PIK3R1: variants seen among roughly 807,000 people sequenced by gnomAD.
PIK3R1 encodes phosphoinositide-3-kinase regulatory subunit 1.
In PIK3R1, 29 loss-of-function variants were observed where a neutral mutation model predicts 98.0. That is an observed-to-expected ratio of 0.30 (90% CI 0.22 to 0.40). The LOEUF (loss-of-function observed/expected upper bound fraction) is 0.40, where lower values mean the gene tolerates loss of function less well. Among genes scored for constraint, PIK3R1 ranks in the 10% least tolerant of loss-of-function variants. The probability of loss-of-function intolerance (pLI) is 1.00; values close to 1 mark genes in which losing one functional copy is unlikely to be tolerated. For synonymous variants in PIK3R1, 282 were observed against 311.8 expected (o/e 0.90, Z 1.01); for missense variants, 596 against 872.7 (o/e 0.68, Z 3.99).
chr5:68,226,399 G>A lies in PIK3R1; in HGVS notation c.-277G>A. 6.2e-6 allele frequency: 3 copies of A among 480,334 alleles called. No individual in the cohort carries two copies. The highest frequency in any genetic ancestry group is 5.1e-5 in the South Asian group (1 of 19,460). 29.8% of individuals were successfully genotyped at this position (480,334 alleles called of 1,614,324 possible). On this transcript the variant is annotated 5_prime_UTR_variant, in exon 2 of 16. It adds an upstream start codon to the 5' untranslated region. Coordinates refer to ENST00000521381, the MANE Select transcript of PIK3R1 (RefSeq NM_181523.3). ...CTGTGAGAGTCAGCCTGGATTCAAA[G>A]TGTTGACAAGTTGCTGAAAAGGAAG...
intron 11 of PIK3R1, 33 bp downstream of exon 11, chr5:68,293,867 A>G (rs1561298326): frequency 6.6e-7 from 1 of 1,505,566 alleles, no homozygotes; most frequent in East Asian, 2.3e-5. Flanking sequence ...ATTAAAAAAT[A>G]AGAGTTCTAA....
intron 2 of PIK3R1, among the ~76,000 whole-genome samples, chr5:68,264,304 C>G (rs558138981): frequency 7.2e-5 from 11 of 152,316 alleles, no homozygotes; most frequent in Non-Finnish European, 1.3e-4. Context: ...AAGTGCTTGT[C>G]CATCAGTGTC....
At chr5:68,256,668 CAGT>C (rs1207861747) in intron 2 of PIK3R1, among the ~76,000 whole-genome samples, 2 of 151,922 alleles carry the variant, frequency 1.3e-5, no homozygotes, top group Non-Finnish European at 2.9e-5. Flanking sequence ...CATCTAGTCT[CAGT>C]TGTGCAAAAT....
At chr5:68,288,275 C>A in intron 7 of PIK3R1, 1 of 336,002 alleles carries the variant, frequency 3.0e-6, no homozygotes, top group Non-Finnish European at 4.5e-6. Context: ...CACTTGTCAG[C>A]CGATGACAAC....
At chr5:68,217,653 T>TGTGTGTGCGC (rs1386976488) in intron 1 of PIK3R1, 5 of 149,294 alleles carry the variant, frequency 3.3e-5, no homozygotes, top group African/African-American at 1.0e-4. Flanking sequence ...TGTGTGTGTG[T>TGTGTGTGCGC]GCGCGCGCGT....
At position 68,300,859 on chromosome 5, in the gene PIK3R1, TA is replaced by T. The variant is rs1286295191; in HGVS notation, c.*3262del. The T allele has an allele frequency of 8.6e-6, 2 of 233,202 alleles. No homozygotes were observed. Among genetic ancestry groups the T allele is most frequent in the Non-Finnish European group, 1.7e-5 (2 of 118,046 alleles). 14.4% of individuals were successfully genotyped at this position (233,202 alleles called of 1,614,324 possible). A position where few individuals can be genotyped will look rare whatever the true frequency, so the allele number is the denominator to read the frequency against. ...TATTTCTTTGGCTTTTTTGTGTTTTTAAAAGTTACTCCTTTTAGGGAGCTGG... is the reference window on the plus strand; with the variant it reads ...TATTTCTTTGGCTTTTTTGTGTTTTTAAAGTTACTCCTTTTAGGGAGCTGG... On this transcript the variant is annotated 3_prime_UTR_variant, in exon 16 of 16. Transcript: ENST00000521381.
At chr5:68,246,311 A>AT (rs1481387405) in intron 2 of PIK3R1, among the ~76,000 whole-genome samples, 117 of 120,400 alleles carry the variant, frequency 9.7e-4, no homozygotes, top group African/African-American at 3.9e-3. Context: ...CTTGGTGTGT[A>AT]TATTTTTTTT....
Position 68,281,009 on chromosome 5 carries a change from A to G in PIK3R1, c.916+3A>G, listed in dbSNP as rs1276212806. On this transcript the variant is annotated splice_donor_region_variant and intron_variant, in intron 7 of 15. Coordinates refer to ENST00000521381, the MANE Select transcript of PIK3R1 (RefSeq NM_181523.3). ...GAATGAACGACAGCCTGCACCAGGT[A>G]ATGCTTTTTGAGCATTTAACATTCT... 4 of 1,587,314 alleles carry G rather than the reference A, an allele frequency of 2.5e-6. No homozygotes were observed. In the Admixed American group the frequency reaches 7.3e-5, roughly 29 times the overall value.
At chr5:68,289,786 A>AAAAAAAT (rs1747285606) in intron 7 of PIK3R1, among the ~76,000 whole-genome samples, 6 of 137,902 alleles carry the variant, frequency 4.4e-5, no homozygotes, top group Non-Finnish European at 6.1e-5. Context: ...AAAAAAAAAA[A>AAAAAAAT]GTGATTACAT....
Position 68,226,818 on chromosome 5 carries a change from C to G in PIK3R1, c.143C>G (p.Ala48Gly), listed in dbSNP as rs1361328385. The stretch of plus-strand genomic sequence containing the variant: ...CTTGGATTCAGTGATGGACAGGAAG[C>G]CAGGCCTGAAGAAATTGGCTGGTTA... The part of the protein sequence containing the change: ...VALGFSDGQE[A>G]RPEEIGWLNG... The change falls in exon 2 of 16, where the codon GCC (alanine) becomes GGC (glycine). Residue 48 changes from alanine to glycine, a missense_variant. Physicochemically the swap from Ala to Gly is moderately conservative, Grantham distance 60. This residue lies in a region of PIK3R1 where 352 missense variants were observed against 393.3 expected (regional missense o/e 0.90). Coordinates refer to ENST00000521381, the MANE Select transcript of PIK3R1 (RefSeq NM_181523.3). 6.2e-7 allele frequency: 1 copy of G among 1,613,892 alleles called. No homozygotes were observed. Among genetic ancestry groups the G allele is most frequent in the Non-Finnish European group, 8.5e-7 (1 of 1,179,994 alleles).
At chr5:68,249,754 G>A (rs1205074592) in intron 2 of PIK3R1, among the ~76,000 whole-genome samples, 2 of 152,092 alleles carry the variant, frequency 1.3e-5, no homozygotes, top group African/African-American at 4.8e-5. Flanking sequence ...CTTTGAAAGG[G>A]GCCTGCTTGT....
rs751595991 is a variant in PIK3R1, at chr5:68,297,419, G to A, written c.1993G>A (p.Gly665Ser). Reference sequence around the variant, plus strand: ...TTCTTCTCTCCTCTCTAGGGTGGACGGCGAAGTAAAGCATTGTGTCATAAA... The same window carrying A: ...TTCTTCTCTCCTCTCTAGGGTGGACAGCGAAGTAAAGCATTGTGTCATAAA... Reference protein sequence around the residue: ...GCYACSVVVDGEVKHCVINKT... With the variant: ...GCYACSVVVDSEVKHCVINKT... The change falls in exon 16 of 16, where the codon GGC (glycine) becomes AGC (serine). Residue 665 changes from glycine (G) to serine (S), a missense_variant. Gly to Ser is a moderately conservative substitution (Grantham distance 56, BLOSUM62 0). This residue lies in a region of PIK3R1 where 207 missense variants were observed against 361.4 expected (regional missense o/e 0.57). Transcript: ENST00000521381. The A allele has an allele frequency of 5.0e-6, 8 of 1,612,880 alleles. No individual in the cohort carries two copies. In the East Asian group the frequency reaches 6.7e-5, roughly 13 times the overall value.
intron 1 of PIK3R1, among the ~76,000 whole-genome samples, chr5:68,221,620 C>T (rs1441330085): frequency 6.6e-6 from 1 of 152,200 alleles, no homozygotes; most frequent in African/African-American, 2.4e-5. Flanking sequence ...TCTCCAAATT[C>T]TTGTCATTTC....
chr5:68,256,808 C>T (rs1424359045), intron 2 of PIK3R1, among the ~76,000 whole-genome samples: 1 of 151,998 alleles, frequency 6.6e-6, no homozygotes, highest in Non-Finnish European at 1.5e-5. Flanking sequence ...GTGCTCAAGA[C>T]AAGCCTCCTA....
intron 2 of PIK3R1, among the ~76,000 whole-genome samples, chr5:68,255,670 A>T (rs1400929611): frequency 6.6e-6 from 1 of 152,202 alleles, no homozygotes. Flanking sequence ...CTTGGAAGGA[A>T]ATCAGATGGC....
intron 2 of PIK3R1, among the ~76,000 whole-genome samples, chr5:68,228,828 G>A (rs1296731110): frequency 6.6e-6 from 1 of 152,142 alleles, no homozygotes; most frequent in African/African-American, 2.4e-5. Flanking sequence ...TTTGATAATT[G>A]CTATCAGGTG....
chr5:68,270,706 T>C (rs1367944940), intron 2 of PIK3R1, among the ~76,000 whole-genome samples: 2 of 152,192 alleles, frequency 1.3e-5, no homozygotes, highest in Non-Finnish European at 2.9e-5. Context: ...CAATAATGGA[T>C]CTTAATAAAT....
chr5:68,262,770 T>C (rs1414270149), intron 2 of PIK3R1, among the ~76,000 whole-genome samples: 5 of 116,882 alleles, frequency 4.3e-5, no homozygotes, highest in African/African-American at 1.3e-4. Context: ...CATATATACA[T>C]GTAGATGCAT....
chr5:68,293,369 A>G lies in PIK3R1; in HGVS notation c.1185A>G (p.Pro395=), dbSNP rs149905863. ...HRDGKYGFSD[P]LTFSSVVELI... is the part of the protein sequence containing the mutation. Reference sequence around the variant, plus strand: ...ATGGGAAATATGGCTTCTCTGACCCATTAACCTTCAGTTCTGTGGTTGAAT... The same window carrying G: ...ATGGGAAATATGGCTTCTCTGACCCGTTAACCTTCAGTTCTGTGGTTGAAT... The change falls in exon 10 of 16, where the codon CCA becomes CCG. Residue 395 remains proline, a synonymous_variant. Transcript: ENST00000521381. The G allele has an allele frequency of 6.3e-4, 1,009 of 1,613,396 alleles. No individual in the cohort carries two copies. Among genetic ancestry groups the G allele is most frequent in the Non-Finnish European group, 7.7e-4 (903 of 1,179,548 alleles).
Sources: gnomAD v4.1 joint callset for allele counts (sites outside exome capture counted in the v4.1 genomes callset) on GRCh38, gnomAD v4.1.1 for gene constraint, gnomAD v4.1.1 regional missense constraint, MANE v1.5 for transcripts, NCBI Gene and HGNC (gene_info 2026-07-23, HGNC 2026-07-21) for gene names.